Variants in DGKI observed in about 807,000 individuals in gnomAD.
DGKI encodes the protein DAG kinase iota.
A neutral mutation model predicts 147.5 loss-of-function variants in DGKI; 55 were observed. The observed-to-expected ratio is 0.37, with a 90% CI of 0.30 to 0.47. The LOEUF (loss-of-function observed/expected upper bound fraction) is 0.47. DGKI is among the 20% of genes least tolerant of loss of function. DGKI has a pLI of 1.00. For missense variants in DGKI, 1,007 were observed against 1,323.8 expected (o/e 0.76, Z 3.71); for synonymous variants, 469 against 477.1 (o/e 0.98, Z 0.22).
At chr7:137,394,799 C>T (rs916700866) in intron 32 of DGKI, among the ~76,000 whole-genome samples, 2 of 152,210 alleles carry the variant, frequency 1.3e-5, no homozygotes, top group African/African-American at 4.8e-5. Flanking sequence ...TGTACCTCAA[C>T]AAAACAGACT....
intron 10 of DGKI, among the ~76,000 whole-genome samples, chr7:137,600,381 T>C (rs1253902020): frequency 2.6e-5 from 4 of 152,218 alleles, no homozygotes; most frequent in Non-Finnish European, 4.4e-5. Context: ...TCAGTTTAGA[T>C]GTTTATCTAA....
chr7:137,684,960 C>T (rs997948835), intron 2 of DGKI, among the ~76,000 whole-genome samples: 3 of 152,162 alleles, frequency 2.0e-5, no homozygotes, highest in African/African-American at 7.2e-5. Context: ...TGCACACACA[C>T]AGCCCTGCCT....
intron 1 of DGKI, among the ~76,000 whole-genome samples, chr7:137,779,667 C>T (rs1287087764): frequency 1.3e-5 from 2 of 152,020 alleles, no homozygotes; most frequent in Non-Finnish European, 2.9e-5. Context: ...AGACGTTTGA[C>T]AAAAGAATTA....
chr7:137,492,278 G>A (rs1343146122), intron 21 of DGKI, among the ~76,000 whole-genome samples: 1 of 152,160 alleles, frequency 6.6e-6, no homozygotes. Context: ...AAATAAACAG[G>A]ATCCTCCAGG....
chr7:137,743,422 C>A (rs1461076364), intron 1 of DGKI, among the ~76,000 whole-genome samples: 7 of 152,114 alleles, frequency 4.6e-5, no homozygotes, highest in Non-Finnish European at 1.0e-4. Flanking sequence ...AGAAATTATA[C>A]AAAGCATCTT....
chr7:137,791,863 T>C (rs1796864979), intron 1 of DGKI, among the ~76,000 whole-genome samples: 1 of 152,234 alleles, frequency 6.6e-6, no homozygotes, highest in South Asian at 2.1e-4. Context: ...CAAATTATCA[T>C]GAAATGTCTA....
intron 1 of DGKI, chr7:137,775,016 T>C (rs889643114): frequency 2.6e-5 from 4 of 152,110 alleles, no homozygotes; most frequent in African/African-American, 9.7e-5. Flanking sequence ...TCCAGGCAGG[T>C]CTCCTCACAC....
At chr7:137,583,741 A>G (rs1170663235) in intron 14 of DGKI, among the ~76,000 whole-genome samples, 1 of 152,162 alleles carries the variant, frequency 6.6e-6, no homozygotes, top group Non-Finnish European at 1.5e-5. Context: ...AGAAACTTAC[A>G]ATATCCATAT....
chr7:137,525,476 G>C (rs1817111670), intron 20 of DGKI, among the ~76,000 whole-genome samples: 1 of 152,160 alleles, frequency 6.6e-6, no homozygotes, highest in Non-Finnish European at 1.5e-5. Flanking sequence ...TGCAACCCTG[G>C]TGTAAACAGC....
chr7:137,457,157 C>T (rs1475049345), intron 27 of DGKI, among the ~76,000 whole-genome samples: 1 of 152,090 alleles, frequency 6.6e-6, no homozygotes, highest in Non-Finnish European at 1.5e-5. Context: ...TGAGCCCAGT[C>T]AAAGGTAAGC....
At chr7:137,399,172 A>T (rs1216174901) in intron 30 of DGKI, among the ~76,000 whole-genome samples, 1 of 152,156 alleles carries the variant, frequency 6.6e-6, no homozygotes, top group African/African-American at 2.4e-5. Context: ...GACAGAAGGA[A>T]TGTATTCTTT....
At chr7:137,439,520 T>A (rs1813412183) in intron 28 of DGKI, among the ~76,000 whole-genome samples, 2 of 152,198 alleles carry the variant, frequency 1.3e-5, no homozygotes, top group Non-Finnish European at 2.9e-5. Flanking sequence ...TTATTCACTA[T>A]CACGAAAACA....
rs374632781 is a variant in DGKI, at chr7:137,512,127, C to T, written c.2248+9739G>A. ...CTCAAATGATGACAAGACCTATGAC[C>T]GCAAATTCTTTTAAATTTGTCTTTA... On this transcript the variant is annotated intron_variant, in intron 21 of 32. Coordinates refer to ENST00000614521, the MANE Select transcript of DGKI (RefSeq NM_001321708.2). Among the ~76,000 whole-genome samples the T allele has an allele frequency of 3.9e-5, 6 of 152,154 alleles. No homozygotes were observed. The East Asian group carries it at 5.8e-4, about 15-fold the overall frequency.
At chr7:137,531,251 T>C (rs1438764102) in intron 20 of DGKI, among the ~76,000 whole-genome samples, 2 of 152,170 alleles carry the variant, frequency 1.3e-5, no homozygotes, top group Admixed American at 6.5e-5. Flanking sequence ...ACTGTTGGAA[T>C]GGGAACAAGT....
In DGKI at chr7:137,659,794, A is replaced by G. The variant is rs541094607; in HGVS notation, c.607-3254T>C. On this transcript the variant is annotated intron_variant, in intron 3 of 32. Transcript: ENST00000614521. Reference sequence around the variant, plus strand: ...AAAAATACAAAAAAATTAGCCAGGCATGGTGGTGGGCACCTGTAGTCCCAG... The same window carrying G: ...AAAAATACAAAAAAATTAGCCAGGCGTGGTGGTGGGCACCTGTAGTCCCAG... Among the ~76,000 whole-genome samples the G allele has an allele frequency of 7.9e-5, 12 of 152,238 alleles. No individual in the cohort carries two copies. In the South Asian group the frequency reaches 1.0e-3, roughly 13 times the overall value.
At position 137,609,397 on chromosome 7, in the gene DGKI, T is replaced by C. The variant is rs537027318; in HGVS notation, c.1068+138A>G. On this transcript the variant is annotated intron_variant, in intron 9 of 32. Coordinates refer to ENST00000614521, the MANE Select transcript of DGKI (RefSeq NM_001321708.2). ...TTTTAAAAGAACAGAAAGAATCCTA[T>C]TGTGGTTAGAGTGTAGTGAGGAGAA... The C allele has an allele frequency of 1.2e-5, 8 of 661,346 alleles. No homozygotes were observed. The South Asian group carries it at 1.4e-4, about 12-fold the overall frequency. 41.0% of individuals were successfully genotyped at this position (661,346 alleles called of 1,614,324 possible).
Position 137,408,142 on chromosome 7 carries a change from A to G in DGKI, c.2800-147T>C, listed in dbSNP as rs947446831. The G allele has an allele frequency of 2.1e-5, 19 of 888,414 alleles. No individual in the cohort carries two copies. The African/African-American group carries it at 2.9e-4, about 14-fold the overall frequency. The allele number at this position is 888,414 out of a possible 1,614,324, so 55.0% of individuals were successfully genotyped here. A position where few individuals can be genotyped will look rare whatever the true frequency, so the allele number is the denominator to read the frequency against. On this transcript the variant is annotated intron_variant, in intron 29 of 32. Transcript: ENST00000614521. ...AGAAAAGTCAAAAAGGTGAAGTAAC[A>G]TTCCTGGACTGTGTTATCACTCACA...
chr7:137,439,999 A>G (rs187834437), intron 28 of DGKI, among the ~76,000 whole-genome samples: 31 of 152,382 alleles, frequency 2.0e-4, no homozygotes, highest in Admixed American at 9.1e-4. Flanking sequence ...AGGTAGCAGC[A>G]GTAAGTGAAG....
chr7:137,785,199 G>C (rs560124658), intron 1 of DGKI, among the ~76,000 whole-genome samples: 2 of 152,036 alleles, frequency 1.3e-5, no homozygotes, highest in South Asian at 4.2e-4. Context: ...CTGGTTCTTT[G>C]AAAATATAAA....
Sources: gnomAD v4.1 joint callset for allele counts (sites outside exome capture counted in the v4.1 genomes callset) on GRCh38, gnomAD v4.1.1 for gene constraint, MANE v1.5 for transcripts, NCBI Gene and HGNC (gene_info 2026-07-23, HGNC 2026-07-21) for gene names.